Variants in CACNA1D observed in about 807,000 individuals in gnomAD.
The protein encoded by CACNA1D is calcium voltage-gated channel subunit alpha1 D, also known as voltage-dependent L-type calcium channel subunit alpha-1D.
Under a neutral mutation model 257.1 loss-of-function variants are expected in CACNA1D, and 55 were observed. The observed-to-expected ratio is 0.21, with a 90% CI of 0.17 to 0.27. The LOEUF is 0.27. Ranked by LOEUF, CACNA1D falls within the 10% of genes least tolerant of loss-of-function variation. The pLI is 1.00. For missense variants in CACNA1D, 1,876 were observed against 2,784.0 expected, an observed-to-expected ratio of 0.67 and a Z score of 7.34; for synonymous variants, 980 against 1,014.9, an observed-to-expected ratio of 0.97 and a Z score of 0.65.
At chr3:53,555,473 T>G (rs1217311146) in intron 3 of CACNA1D, among the ~76,000 whole-genome samples, 1 of 148,772 alleles carries the variant, frequency 6.7e-6, no homozygotes, top group East Asian at 1.9e-4. Context: ...TTTTTTTTTT[T>G]TTTTTTTTTC....
intron 29 of CACNA1D, among the ~76,000 whole-genome samples, chr3:53,761,055 A>G (rs2095298687): frequency 6.6e-6 from 1 of 152,228 alleles, no homozygotes; most frequent in African/African-American, 2.4e-5. Context: ...GGGAACATTT[A>G]TCTGACCTTG....
chr3:53,505,397 C>G (rs1037850565), intron 3 of CACNA1D, among the ~76,000 whole-genome samples: 1 of 152,142 alleles, frequency 6.6e-6, no homozygotes, highest in East Asian at 1.9e-4. Flanking sequence ...GCTTGAGCCA[C>G]CGCGCCTGGC....
At chr3:53,541,635 A>G (rs1559813999) in intron 3 of CACNA1D, among the ~76,000 whole-genome samples, 2 of 152,170 alleles carry the variant, frequency 1.3e-5, no homozygotes, top group Admixed American at 6.5e-5. Flanking sequence ...GTTAAAGCGG[A>G]AATGTTTTTC....
chr3:53,648,603 C>T (rs941045557), intron 3 of CACNA1D, among the ~76,000 whole-genome samples: 4 of 152,018 alleles, frequency 2.6e-5, no homozygotes, highest in South Asian at 2.1e-4. Flanking sequence ...AATGGGGCAA[C>T]GGGGAATCTG....
At position 53,495,286 on chromosome 3, in the gene CACNA1D, C is replaced by G. The variant is rs2090296461; in HGVS notation, c.67+53C>G. On this transcript the variant is annotated intron_variant, in intron 1 of 47. Coordinates refer to ENST00000350061, the MANE Select transcript of CACNA1D (RefSeq NM_001128840.3). This position sits in a 1 kb window ranked among gnomAD's most constrained non-coding sequence, Gnocchi z 5.1. ...TGCCAAATCCGATCCTGTCATGGTC[C>G]TCCAGCCCCCTCCCCCTTCCCCGCG... is the stretch of plus-strand genomic sequence containing the variant. The G allele has an allele frequency of 1.2e-6, 2 of 1,605,284 alleles. No individual in the cohort carries two copies. Among genetic ancestry groups the G allele is most frequent in the Admixed American group, 1.7e-5 (1 of 59,980 alleles).
chr3:53,703,715 C>T (rs1224124344), intron 9 of CACNA1D, among the ~76,000 whole-genome samples: 3 of 152,154 alleles, frequency 2.0e-5, no homozygotes, highest in South Asian at 2.1e-4. Flanking sequence ...AGAAGATGGC[C>T]GAGCAAGTCC....
chr3:53,803,038 G>C (rs2095543929), intron 43 of CACNA1D, among the ~76,000 whole-genome samples: 1 of 152,180 alleles, frequency 6.6e-6, no homozygotes, highest in African/African-American at 2.4e-5. Context: ...CTGGGCTGGA[G>C]CTGGGGGACT....
chr3:53,656,894 G>C (rs1386559751), intron 4 of CACNA1D, among the ~76,000 whole-genome samples: 1 of 152,134 alleles, frequency 6.6e-6, no homozygotes, highest in Non-Finnish European at 1.5e-5. Flanking sequence ...AATGTAAAAA[G>C]ACTGAACATA....
chr3:53,801,563 G>C (rs1008242177), intron 42 of CACNA1D, 138 bp downstream of exon 42: 43 of 1,120,850 alleles, frequency 3.8e-5, no homozygotes, highest in Non-Finnish European at 5.3e-5. Flanking sequence ...GTCAGGATCT[G>C]TGAGTGCCCC....
chr3:53,781,597 G>A lies in CACNA1D; in HGVS notation c.4722G>A (p.Arg1574=), dbSNP rs148795518. ...TGGAGCAAGCTAATGAAGAACTTCG[G>A]GCTGTGATAAAGAAAATTTGGAAGA... ...GNLEQANEEL[R]AVIKKIWKKT... is the part of the protein sequence containing the mutation. Residue 1574 remains arginine, a synonymous_variant, in exon 39 of 48, where the codon CGG becomes CGA. Coordinates refer to ENST00000350061, the MANE Select transcript of CACNA1D (RefSeq NM_001128840.3). The A allele has an allele frequency of 4.2e-5, 68 of 1,613,902 alleles. No individual in the cohort carries two copies. Among genetic ancestry groups the A allele is most frequent in the Admixed American group, 1.2e-4 (7 of 60,008 alleles).
chr3:53,579,149 G>A (rs1222412309), intron 3 of CACNA1D, among the ~76,000 whole-genome samples: 2 of 152,174 alleles, frequency 1.3e-5, no homozygotes, highest in African/African-American at 2.4e-5. Flanking sequence ...GTTCCAAACG[G>A]CAATTGAGAA....
At chr3:53,524,047 C>T (rs1426791204) in intron 3 of CACNA1D, among the ~76,000 whole-genome samples, 2 of 152,150 alleles carry the variant, frequency 1.3e-5, no homozygotes, top group Non-Finnish European at 2.9e-5. Context: ...GTCCCTTTTC[C>T]ATATGGTCCT....
intron 40 of CACNA1D, chr3:53,791,871 T>G (rs2095484975): frequency 6.6e-6 from 1 of 152,246 alleles, no homozygotes; most frequent in Non-Finnish European, 1.5e-5. Context: ...TGGGTTCTAG[T>G]CCCAGTTTCA....
chr3:53,786,386 C>T (rs939587954), intron 39 of CACNA1D: 8 of 186,770 alleles, frequency 4.3e-5, no homozygotes, highest in Admixed American at 1.1e-4. Flanking sequence ...CTTGAGACAT[C>T]GGGATTTGGA....
At position 53,800,609 on chromosome 3, in the gene CACNA1D, G is replaced by A; in HGVS notation, c.5040+244G>A. 1 of 566,582 alleles carries A rather than the reference G, an allele frequency of 1.8e-6. No homozygotes were observed. Among genetic ancestry groups the A allele is most frequent in the East Asian group, 3.3e-5 (1 of 30,440 alleles). The allele number at this position is 566,582 out of a possible 1,614,324, so 35.1% of individuals were successfully genotyped here. On this transcript the variant is annotated intron_variant, in intron 41 of 47. Coordinates refer to ENST00000350061, the MANE Select transcript of CACNA1D (RefSeq NM_001128840.3). The surrounding 1 kb of genome is among the most constrained non-coding windows in gnomAD (Gnocchi z 4.3). Reference sequence around the variant, plus strand: ...CTTCCCCTCACTGCCTGCTTCTGAGGAGCTCGGCCACAGCCGCTGGCCCTG... The same window carrying A: ...CTTCCCCTCACTGCCTGCTTCTGAGAAGCTCGGCCACAGCCGCTGGCCCTG...
rs3774449 is a variant in CACNA1D, at chr3:53,574,968, C to A, written c.483+73248C>A. Among the ~76,000 whole-genome samples the A allele has an allele frequency of 5.3e-4, 80 of 152,358 alleles. No individual in the cohort carries two copies. The East Asian group carries it at 0.013, about 26-fold the overall frequency. On this transcript the variant is annotated intron_variant, in intron 3 of 47. Transcript: ENST00000350061. Reference sequence around the variant, plus strand: ...TGACGTTGCAATGGTGTCTTCTCAACAAAACCTCATTGAGGTCTTGAGACA... The same window carrying A: ...TGACGTTGCAATGGTGTCTTCTCAAAAAAACCTCATTGAGGTCTTGAGACA...
intron 3 of CACNA1D, among the ~76,000 whole-genome samples, chr3:53,508,618 T>C (rs1319698235): frequency 6.6e-6 from 1 of 152,224 alleles, no homozygotes; most frequent in Non-Finnish European, 1.5e-5. Flanking sequence ...TTAACAATGA[T>C]TGCATCAGAA....
At chr3:53,694,436 C>T (rs1041299402) in intron 8 of CACNA1D, among the ~76,000 whole-genome samples, 36 of 152,164 alleles carry the variant, frequency 2.4e-4, no homozygotes, top group African/African-American at 8.2e-4. Context: ...CCTGTCCTCC[C>T]TCCCTGGTCC....
chr3:53,719,900 A>T, intron 11 of CACNA1D, 119 bp downstream of exon 11: 1 of 933,952 alleles, frequency 1.1e-6, no homozygotes, highest in Middle Eastern at 2.1e-4. Context: ...TATAACATTG[A>T]TACTGAATTG....
Sources: gnomAD v4.1 joint callset for allele counts (sites outside exome capture counted in the v4.1 genomes callset) on GRCh38, gnomAD v4.1.1 for gene constraint, Gnocchi (gnomAD v3.1) non-coding constraint, MANE v1.5 for transcripts, NCBI Gene and HGNC (gene_info 2026-07-23, HGNC 2026-07-21) for gene names.